FGD4: variants seen among roughly 807,000 people sequenced by gnomAD.
The protein encoded by FGD4 is FYVE, RhoGEF and PH domain-containing protein 4.
In FGD4, 42 loss-of-function variants were observed where a neutral mutation model predicts 102.0. That is an observed-to-expected ratio of 0.41 (90% CI 0.32 to 0.53). FGD4 has a LOEUF of 0.53. FGD4 is among the 20% of genes least tolerant of loss of function. The probability of loss-of-function intolerance (pLI) is 0.21; values close to 1 mark genes in which losing one functional copy is unlikely to be tolerated. For missense variants in FGD4, 902 were observed against 1,078.2 expected, an observed-to-expected ratio of 0.84 and a Z score of 2.29; for synonymous variants, 380 against 375.7, an observed-to-expected ratio of 1.01 and a Z score of -0.13.
intron 4 of FGD4, among the ~76,000 whole-genome samples, chr12:32,595,413 C>T (rs912167551): frequency 6.6e-6 from 1 of 152,150 alleles, no homozygotes; most frequent in Admixed American, 6.5e-5. Flanking sequence ...GTAATGGAAT[C>T]GTTGCTCATA....
chr12:32,562,857 C>G (rs1300690033), intron 1 of FGD4, among the ~76,000 whole-genome samples: 1 of 152,218 alleles, frequency 6.6e-6, no homozygotes, highest in African/African-American at 2.4e-5. Flanking sequence ...CAATCTTTTC[C>G]CCACCTTTCC....
At chr12:32,612,071 C>T (rs895239962) in intron 10 of FGD4, among the ~76,000 whole-genome samples, 5 of 152,228 alleles carry the variant, frequency 3.3e-5, no homozygotes, top group African/African-American at 9.6e-5. Flanking sequence ...ATATGCCAGC[C>T]CCCTGGTATC....
chr12:32,628,201 A>G (rs189574910), intron 14 of FGD4, among the ~76,000 whole-genome samples: 210 of 152,248 alleles, frequency 1.4e-3, no homozygotes, highest in African/African-American at 5.0e-3. Flanking sequence ...TCCTGAGTGA[A>G]TGGGTGTGGG....
At chr12:32,482,381 C>T (rs980703177) in intron 1 of FGD4, among the ~76,000 whole-genome samples, 1 of 152,140 alleles carries the variant, frequency 6.6e-6, no homozygotes, top group Non-Finnish European at 1.5e-5. Flanking sequence ...GACCAGCTTA[C>T]CAATGGTAGC....
At chr12:32,453,508 A>G (rs2136480395) in intron 1 of FGD4, among the ~76,000 whole-genome samples, 1 of 151,986 alleles carries the variant, frequency 6.6e-6, no homozygotes, top group Non-Finnish European at 1.5e-5. Context: ...TGCTGGGATT[A>G]CAGGTGTGAG....
intron 1 of FGD4, among the ~76,000 whole-genome samples, chr12:32,532,461 T>A (rs990033040): frequency 1.3e-5 from 2 of 152,084 alleles, no homozygotes; most frequent in South Asian, 4.1e-4. Context: ...CCTTACAGAG[T>A]GATATTCTTC....
chr12:32,436,981 C>G (rs2728670), intron 1 of FGD4, among the ~76,000 whole-genome samples: 1 of 151,648 alleles, frequency 6.6e-6, no homozygotes. Flanking sequence ...TGGTGGCGGG[C>G]GCCTGTAGTC....
At chr12:32,472,992 T>C (rs900701883) in intron 1 of FGD4, among the ~76,000 whole-genome samples, 3 of 151,882 alleles carry the variant, frequency 2.0e-5, no homozygotes, top group African/African-American at 7.2e-5. Context: ...TGTGTTTAGC[T>C]CAAGGTTTGT....
intron 1 of FGD4, among the ~76,000 whole-genome samples, chr12:32,431,668 G>T (rs1317008449): frequency 1.3e-5 from 2 of 151,844 alleles, no homozygotes; most frequent in Non-Finnish European, 2.9e-5. Context: ...TGGCACTTGG[G>T]AGGCTGAGGC....
chr12:32,596,140 G>A (rs1947872989), intron 4 of FGD4, among the ~76,000 whole-genome samples: 2 of 152,170 alleles, frequency 1.3e-5, no homozygotes, highest in Admixed American at 1.3e-4. Flanking sequence ...GAGAAAGGGA[G>A]GGTATTTCAG....
chr12:32,423,860 T>A (rs1591872473), intron 1 of FGD4, among the ~76,000 whole-genome samples: 1 of 140,056 alleles, frequency 7.1e-6, no homozygotes, highest in Non-Finnish European at 1.6e-5. Flanking sequence ...CTGGTGGGAG[T>A]GTTTTTTTTT....
At chr12:32,609,466 T>C (rs1049570596) in intron 8 of FGD4, among the ~76,000 whole-genome samples, 5 of 152,182 alleles carry the variant, frequency 3.3e-5, no homozygotes, top group African/African-American at 7.2e-5. Context: ...TCTTATTTTG[T>C]CTTCCTCTAT....
At chr12:32,635,121 A>G (rs1481744990) in intron 15 of FGD4, among the ~76,000 whole-genome samples, 1 of 152,242 alleles carries the variant, frequency 6.6e-6, no homozygotes, top group Non-Finnish European at 1.5e-5. Flanking sequence ...ACAAACTTCA[A>G]GGTCCATTTG....
intron 1 of FGD4, among the ~76,000 whole-genome samples, chr12:32,445,458 TTGTC>T (rs1206868281): frequency 2.6e-5 from 4 of 152,180 alleles, no homozygotes; most frequent in Non-Finnish European, 5.9e-5. Flanking sequence ...AAATTGGGGA[TTGTC>T]TGTAAGACAA....
At chr12:32,533,349 T>TC (rs1302535916) in intron 1 of FGD4, among the ~76,000 whole-genome samples, 1 of 152,200 alleles carries the variant, frequency 6.6e-6, no homozygotes, top group East Asian at 1.9e-4. Flanking sequence ...GAGGTTATTT[T>TC]CCCCAGTGAG....
intron 11 of FGD4, among the ~76,000 whole-genome samples, chr12:32,620,772 A>G (rs1949791586): frequency 7.1e-6 from 1 of 139,964 alleles, no homozygotes; most frequent in Admixed American, 7.9e-5. Context: ...ATCTCGGCTC[A>G]CTGCAAGCTC....
chr12:32,601,211 G>A (rs1227223786), intron 5 of FGD4, 67 bp from the exon 6 acceptor site: 2 of 1,493,572 alleles, frequency 1.3e-6, no homozygotes, highest in East Asian at 2.3e-5. Context: ...CCCACTATGT[G>A]CCTAGCACAG....
At chr12:32,571,857 G>GA (rs1289699687) in intron 2 of FGD4, among the ~76,000 whole-genome samples, 2 of 152,100 alleles carry the variant, frequency 1.3e-5, no homozygotes, top group Non-Finnish European at 2.9e-5. Flanking sequence ...TAGGGGGTGG[G>GA]AGAGTAGAGA....
Position 32,554,703 on chromosome 12 carries a change from G to A in FGD4, c.167-9434G>A, listed in dbSNP as rs371766052. Among the ~76,000 whole-genome samples the A allele has an allele frequency of 7.9e-5, 12 of 152,336 alleles. No homozygotes were observed. The East Asian group carries it at 2.3e-3, about 29-fold the overall frequency. ...CAATAAAACTAAATAGTGTGGTCAG[G>A]GTAGTCCATGTGGACAAGATGCAAT... On this transcript the variant is annotated intron_variant, in intron 1 of 16. Transcript: ENST00000534526.
Sources: allele counts gnomAD v4.1 joint callset (sites outside exome capture counted in the v4.1 genomes callset), GRCh38; gene constraint gnomAD v4.1.1; transcripts MANE v1.5; gene names NCBI Gene and HGNC (gene_info 2026-07-23, HGNC 2026-07-21).